TM9SF1: variants seen among roughly 807,000 people sequenced by gnomAD.
TM9SF1 encodes the protein transmembrane 9 superfamily member 1.
In TM9SF1, 25 loss-of-function variants were observed where a neutral mutation model predicts 52.4. That is an observed-to-expected ratio of 0.48 (90% CI 0.35 to 0.67). The LOEUF (loss-of-function observed/expected upper bound fraction) is 0.67, where lower values mean the gene tolerates loss of function less well. TM9SF1 is among the 30% of genes least tolerant of loss of function. TM9SF1 has a pLI of 0.01. For synonymous variants in TM9SF1, 284 were observed against 299.8 expected (o/e 0.95, Z 0.55); for missense variants, 604 against 780.3 (o/e 0.77, Z 2.69).
Position 24,189,689 on chromosome 14 carries a change from G to A in TM9SF1, c.1547C>T (p.Ser516Phe). ...CAACTGGAAGTAGGTGAGTGCAATGGAGATGCAAGCCCCCACACTCAGCAG... is the reference window on the plus strand; with the variant it reads ...CAACTGGAAGTAGGTGAGTGCAATGAAGATGCAAGCCCCCACACTCAGCAG... ...AILLSVGACI[S>F]IALTYFQLSG... Residue 516 changes from serine to phenylalanine, a missense_variant, in exon 6 of 6, where the codon TCC becomes TTC. This residue lies in a region of TM9SF1 where 107 missense variants were observed against 180.5 expected (regional missense o/e 0.59). Transcript: ENST00000261789. The A allele has an allele frequency of 6.2e-7, 1 of 1,614,184 alleles. No individual in the cohort carries two copies. Among genetic ancestry groups the A allele is most frequent in the Non-Finnish European group, 8.5e-7 (1 of 1,180,018 alleles).
At chr14:24,195,072 G>A (rs769367021) in intron 1 of TM9SF1, 36 bp from the exon 2 acceptor site, 11 of 1,524,048 alleles carry the variant, frequency 7.2e-6, no homozygotes, top group African/African-American at 1.4e-5. Flanking sequence ...AGAAACCAGG[G>A]AGGTTACAGA....
intron 2 of TM9SF1, among the ~76,000 whole-genome samples, chr14:24,193,938 C>T (rs1391840507): frequency 6.6e-6 from 1 of 150,544 alleles, no homozygotes; most frequent in Non-Finnish European, 1.5e-5. Context: ...AAAAAAAGTG[C>T]TGGGATTACA....
chr14:24,190,481 A>G lies in TM9SF1; in HGVS notation c.1326T>C (p.Asp442=). ...CGATGTTCTTGGTGCGACAGGGTGC[A>G]TCAAAGGGGCTGGCGTTGTTCTTCC... is the stretch of plus-strand genomic sequence containing the variant. The part of the protein sequence containing the change: ...IFGKNNASPF[D]APCRTKNIAR... The change falls in exon 5 of 6, where the codon GAT becomes GAC. Residue 442 remains aspartate, a synonymous_variant. Coordinates refer to ENST00000261789, the MANE Select transcript of TM9SF1 (RefSeq NM_006405.7). 6.2e-7 allele frequency: 1 copy of G among 1,614,208 alleles called. No homozygotes were observed. Among genetic ancestry groups the G allele is most frequent in the Non-Finnish European group, 8.5e-7 (1 of 1,180,038 alleles).
In TM9SF1 at chr14:24,189,644, C is replaced by A; in HGVS notation, c.1592G>T (p.Trp531Leu). 6.2e-7 allele frequency: 1 copy of A among 1,614,182 alleles called. No individual in the cohort carries two copies. The highest frequency in any genetic ancestry group is 1.1e-5 in the South Asian group (1 of 91,076). The change falls in exon 6 of 6, where the codon TGG (tryptophan) becomes TTG (leucine). Residue 531 changes from tryptophan to leucine, a missense_variant. This residue lies in a region of TM9SF1 where 107 missense variants were observed against 180.5 expected (regional missense o/e 0.59). Transcript: ENST00000261789. ...YFQLSGEDYR[W>L]WWRSVLSVGS... ...AACACTCAGCACAGATCGCCACCAC[C>A]AGCGGTAATCCTCCCCAGACAACTG...
At chr14:24,193,386 A>T in intron 2 of TM9SF1, 117 bp from the exon 3 acceptor site, 1 of 1,187,408 alleles carries the variant, frequency 8.4e-7, no homozygotes, top group Non-Finnish European at 1.2e-6. Flanking sequence ...TTTTTTTTCG[A>T]GATGGAGTCT....
At position 24,191,115 on chromosome 14, in the gene TM9SF1, T is replaced by C. The variant is rs573364344; in HGVS notation, c.1154-462A>G. The stretch of plus-strand genomic sequence containing the variant: ...CTCCTGACCTGGTGATCTGCCTGCC[T>C]CAGCCTCCCAAAGTGCTGGGATTAC... On this transcript the variant is annotated intron_variant, in intron 4 of 5. Coordinates refer to ENST00000261789, the MANE Select transcript of TM9SF1 (RefSeq NM_006405.7). Among the ~76,000 whole-genome samples the C allele has an allele frequency of 6.6e-4, 101 of 152,212 alleles. 1 individual carries two copies. The South Asian group carries it at 0.02, about 31-fold the overall frequency.
intron 5 of TM9SF1, chr14:24,190,062 T>C (rs2039293588): frequency 4.4e-6 from 6 of 1,356,974 alleles, no homozygotes; most frequent in Non-Finnish European, 4.7e-6. Context: ...CTTTATTCTT[T>C]GCCTGGCACA....
intron 2 of TM9SF1, among the ~76,000 whole-genome samples, chr14:24,193,748 G>A (rs1394818637): frequency 2.7e-5 from 4 of 150,392 alleles, no homozygotes; most frequent in Admixed American, 6.6e-5. Flanking sequence ...GTGAAACCCC[G>A]TCTCTACTAA....
Position 24,189,574 on chromosome 14 carries a change from A to AT in TM9SF1, c.1661dup (p.Tyr554Ter). Residue 554 changes from tyrosine (Y) to a stop codon, truncating the protein, a stop_gained and frameshift_variant, in exon 6 of 6, where the codon TAT (tyrosine) becomes TAAT (stop). Coordinates refer to ENST00000261789, the MANE Select transcript of TM9SF1 (RefSeq NM_006405.7). LOFTEE classifies it high-confidence loss of function. ...LFIFLYSVFY[Y>*]ARRSNMSGAV... is the part of the protein sequence containing the mutation. ...CCCCAGACATGTTGGAGCGCCGGGC[A>AT]TAATAGAAAACTGAGTAGAGGAAGA... is the stretch of plus-strand genomic sequence containing the variant. The AT allele has an allele frequency of 6.2e-7, 1 of 1,614,196 alleles. No individual in the cohort carries two copies. Among genetic ancestry groups the AT allele is most frequent in the Non-Finnish European group, 8.5e-7 (1 of 1,180,034 alleles).
intron 5 of TM9SF1, 176 bp downstream of exon 5, chr14:24,190,204 T>G (rs77078222): frequency 4.7e-6 from 2 of 427,280 alleles, no homozygotes; most frequent in Non-Finnish European, 6.0e-6. Flanking sequence ...AGTGAGACAC[T>G]CTCATATCAT....
chr14:24,190,498 T>A lies in TM9SF1; in HGVS notation c.1309A>T (p.Asn437Tyr), dbSNP rs1444301043. 6.2e-7 allele frequency: 1 copy of A among 1,614,004 alleles called. No homozygotes were observed. The highest frequency in any genetic ancestry group is 8.5e-7 in the Non-Finnish European group (1 of 1,180,022). ...CAGGGTGCATCAAAGGGGCTGGCGT[T>A]GTTCTTCCCAAAGATGCCTCCAATG... Reference protein sequence around the residue: ...TVIGGIFGKNNASPFDAPCRT... With the variant: ...TVIGGIFGKNYASPFDAPCRT... Residue 437 changes from asparagine (N) to tyrosine (Y), a missense_variant, in exon 5 of 6, where the codon AAC becomes TAC. Asn to Tyr is a moderately radical substitution (Grantham distance 143, BLOSUM62 -2). This residue lies in a region of TM9SF1 where 450 missense variants were observed against 560.1 expected (regional missense o/e 0.80). Coordinates refer to ENST00000261789, the MANE Select transcript of TM9SF1 (RefSeq NM_006405.7).
rs781155011 is a variant in TM9SF1 at position 24,189,647 on chromosome 14, C to T, written c.1589G>A (p.Arg530His). The part of the protein sequence containing the change: ...TYFQLSGEDY[R>H]WWWRSVLSVG... Reference sequence around the variant, plus strand: ...ACTCAGCACAGATCGCCACCACCAGCGGTAATCCTCCCCAGACAACTGGAA... The same window carrying T: ...ACTCAGCACAGATCGCCACCACCAGTGGTAATCCTCCCCAGACAACTGGAA... The change falls in exon 6 of 6, where the codon CGC becomes CAC. Residue 530 changes from arginine to histidine, a missense_variant. Coordinates refer to ENST00000261789, the MANE Select transcript of TM9SF1 (RefSeq NM_006405.7). 9.9e-6 allele frequency: 16 copies of T among 1,614,036 alleles called. No homozygotes were observed. Among genetic ancestry groups the T allele is most frequent in the African/African-American group, 1.3e-5 (1 of 74,914 alleles).
Position 24,190,567 on chromosome 14 carries a change from G to A in TM9SF1, c.1240C>T (p.Leu414=), listed in dbSNP as rs766082330. The change falls in exon 5 of 6, where the codon CTG becomes TTG. Residue 414 remains leucine (L), a synonymous_variant. Coordinates refer to ENST00000261789, the MANE Select transcript of TM9SF1 (RefSeq NM_006405.7). ...ACCAGCAGCCAAACCGTCAGAAGCAGCAGGATGGTTGTGGCTGGCAGAGCC... is the reference window on the plus strand; with the variant it reads ...ACCAGCAGCCAAACCGTCAGAAGCAACAGGATGGTTGTGGCTGGCAGAGCC... ...TQALPATTIL[L]LLTVWLLVGF... The A allele has an allele frequency of 2.5e-5, 41 of 1,614,070 alleles. No individual in the cohort carries two copies. Among genetic ancestry groups the A allele is most frequent in the Non-Finnish European group, 3.3e-5 (39 of 1,180,056 alleles).
At position 24,190,661 on chromosome 14, in the gene TM9SF1, G is replaced by A. The variant is rs762841243; in HGVS notation, c.1154-8C>T. 1.2e-6 allele frequency: 2 copies of A among 1,604,076 alleles called. No individual in the cohort carries two copies. Among genetic ancestry groups the A allele is most frequent in the South Asian group, 1.1e-5 (1 of 90,268 alleles). ...ACGTCAGGAAGAAAGGCACTGCAGGGATGGGCCCCCGGAGGGAGGGTCAAC... is the reference window on the plus strand; with the variant it reads ...ACGTCAGGAAGAAAGGCACTGCAGGAATGGGCCCCCGGAGGGAGGGTCAAC... On this transcript the variant is annotated splice_region_variant and splice_polypyrimidine_tract_variant and intron_variant, in intron 4 of 5. Coordinates refer to ENST00000261789, the MANE Select transcript of TM9SF1 (RefSeq NM_006405.7).
At position 24,189,525 on chromosome 14, in the gene TM9SF1, C is replaced by A. The variant is rs984531640; in HGVS notation, c.1711G>T (p.Gly571Cys). 1 of 1,614,066 alleles carries A rather than the reference C, an allele frequency of 6.2e-7. No individual in the cohort carries two copies. Among genetic ancestry groups the A allele is most frequent in the African/African-American group, 1.3e-5 (1 of 75,006 alleles). Residue 571 changes from glycine to cysteine, a missense_variant, in exon 6 of 6, where the codon GGC becomes TGC. By Grantham distance (159) the Gly-to-Cys change is radical (BLOSUM62 -3). Transcript: ENST00000261789. ...SGAVQTVEFF[G>C]YSLLTGYVFF... ...ACATAACCAGTGAGTAAGGAGTAGCCGAAGAACTCTACTGTCTGTACTGCC... is the reference window on the plus strand; with the variant it reads ...ACATAACCAGTGAGTAAGGAGTAGCAGAAGAACTCTACTGTCTGTACTGCC...
intron 2 of TM9SF1, 27 bp from the exon 3 acceptor site, chr14:24,193,296 C>A: frequency 1.9e-6 from 3 of 1,559,392 alleles, no homozygotes; most frequent in South Asian, 2.4e-5. Context: ...AGGAGTTGGT[C>A]ACACAAGATC....
At position 24,192,057 on chromosome 14, in the gene TM9SF1, C is replaced by T. The variant is rs375834253; in HGVS notation, c.1153+114G>A. The T allele has an allele frequency of 1.5e-4, 160 of 1,086,718 alleles. No individual in the cohort carries two copies. The highest frequency in any genetic ancestry group is 1.8e-4 in the Non-Finnish European group (132 of 722,258). 67.3% of individuals were successfully genotyped at this position (1,086,718 alleles called of 1,614,324 possible). The stretch of plus-strand genomic sequence containing the variant: ...AAACTTTTGGGCTCAAGTGATCCTC[C>T]GGCCTCGGTCTCCCAAAGTGCTAGG... On this transcript the variant is annotated intron_variant, in intron 4 of 5. Coordinates refer to ENST00000261789, the MANE Select transcript of TM9SF1 (RefSeq NM_006405.7). The surrounding 1 kb of genome is among the most constrained non-coding windows in gnomAD (Gnocchi z 4.0).
At chr14:24,193,696 A>G (rs1046276083) in intron 2 of TM9SF1, among the ~76,000 whole-genome samples, 1 of 149,376 alleles carries the variant, frequency 6.7e-6, no homozygotes, top group Non-Finnish European at 1.5e-5. Context: ...CGAGGCGGGC[A>G]GATCACGAGG....
intron 4 of TM9SF1, 130 bp from the exon 5 acceptor site, chr14:24,190,783 C>T: frequency 1.4e-6 from 1 of 712,530 alleles, no homozygotes; most frequent in South Asian, 2.0e-5. Flanking sequence ...ACTCATGCTC[C>T]TGGATGTCCC....
Sources: allele counts gnomAD v4.1 joint callset (sites outside exome capture counted in the v4.1 genomes callset), GRCh38; gene constraint gnomAD v4.1.1; regional missense constraint gnomAD v4.1.1; non-coding constraint Gnocchi (gnomAD v3.1); transcripts MANE v1.5; gene names NCBI Gene and HGNC (gene_info 2026-07-23, HGNC 2026-07-21).